SUPT20H: variants seen among roughly 807,000 people sequenced by gnomAD.
SUPT20H encodes the protein SPT20 homolog, SAGA complex component.
In SUPT20H, 82 loss-of-function variants were observed where a neutral mutation model predicts 122.8. The observed-to-expected ratio is 0.67, with a 90% CI of 0.56 to 0.80. The LOEUF (loss-of-function observed/expected upper bound fraction) is 0.80, where lower values mean the gene tolerates loss of function less well. Among genes scored for constraint, SUPT20H ranks in the 30% least tolerant of loss-of-function variants. The pLI, the probability that SUPT20H is intolerant of heterozygous loss-of-function variation, is 0.00. For synonymous variants in SUPT20H, 291 were observed against 313.0 expected (o/e 0.93, Z 0.74); for missense variants, 831 against 921.6 (o/e 0.90, Z 1.27).
At position 37,009,568 on chromosome 13, in the gene SUPT20H, A is replaced by C. The variant is rs2059222868; in HGVS notation, c.*104T>G. On this transcript the variant is annotated 3_prime_UTR_variant, in exon 26 of 26. Transcript: ENST00000350612. The stretch of plus-strand genomic sequence containing the variant: ...TCTGTATAAAGTTTGTACATCTAGC[A>C]ATGTAAAATACTGACACATTAAAAA... 2.3e-6 allele frequency: 3 copies of C among 1,285,492 alleles called. No individual in the cohort carries two copies. The highest frequency in any genetic ancestry group is 1.8e-5 in the Admixed American group (1 of 57,088). The allele number at this position is 1,285,492 out of a possible 1,614,324, so 79.6% of individuals were successfully genotyped here.
At chr13:37,047,386 C>G (rs1430746640) in intron 5 of SUPT20H, 149 bp downstream of exon 5, 1 of 838,160 alleles carries the variant, frequency 1.2e-6, no homozygotes, top group African/African-American at 1.8e-5. Context: ...TTAGCCAGAG[C>G]TCTGAGTCAG....
chr13:37,012,358 A>G (rs2059757534), intron 23 of SUPT20H, 61 bp from the exon 24 acceptor site: 1 of 1,357,606 alleles, frequency 7.4e-7, no homozygotes. Flanking sequence ...AGCTGGTGAA[A>G]AGAAATCAGT....
At chr13:37,036,349 G>A (rs916631720) in intron 9 of SUPT20H, among the ~76,000 whole-genome samples, 29 of 148,956 alleles carry the variant, frequency 1.9e-4, no homozygotes, top group African/African-American at 7.2e-4. Flanking sequence ...TCTTTGAGAC[G>A]GAGTCTTGCT....
In SUPT20H at chr13:37,045,350, C is replaced by A; in HGVS notation, c.189G>T (p.Leu63Phe). 1.2e-6 allele frequency: 2 copies of A among 1,613,482 alleles called. No homozygotes were observed. The highest frequency in any genetic ancestry group is 1.7e-6 in the Non-Finnish European group (2 of 1,179,668). The change falls in exon 6 of 26, where the codon TTG (leucine) becomes TTT (phenylalanine). Residue 63 changes from leucine (L) to phenylalanine (F), a missense_variant. Transcript: ENST00000350612. Reference protein sequence around the residue: ...EVKKLRRNVNLLEKLVMQETL... With the variant: ...EVKKLRRNVNFLEKLVMQETL... ...TCTCTTGCATAACAAGCTTCTCTAA[C>A]AAGTTCACATTTCTTCTTAATTTCT...
intron 5 of SUPT20H, among the ~76,000 whole-genome samples, chr13:37,045,902 G>A (rs546806709): frequency 6.6e-6 from 1 of 152,110 alleles, no homozygotes; most frequent in East Asian, 1.9e-4. Context: ...TTGGTAAGAC[G>A]AAGTAAGCAA....
chr13:37,042,751 C>T lies in SUPT20H; in HGVS notation c.396+1327G>A, dbSNP rs544880107. Reference sequence around the variant, plus strand: ...TAGGTGGTGGAAAGAATGGGATCTGCAAAAGAGGAAATGACTATAAATTCT... The same window carrying T: ...TAGGTGGTGGAAAGAATGGGATCTGTAAAAGAGGAAATGACTATAAATTCT... On this transcript the variant is annotated intron_variant, in intron 7 of 25. Transcript: ENST00000350612. 7.2e-5 allele frequency among the ~76,000 whole-genome samples: 11 copies of T among 152,166 alleles called. No individual in the cohort carries two copies. In the South Asian group the frequency reaches 2.3e-3, roughly 32 times the overall value.
intron 2 of SUPT20H, among the ~76,000 whole-genome samples, chr13:37,050,364 A>AC (rs1367976394): frequency 6.6e-6 from 1 of 150,960 alleles, no homozygotes; most frequent in Non-Finnish European, 1.5e-5. Context: ...AAAAAAAAAA[A>AC]AAAAAACTTA....
intron 1 of SUPT20H, among the ~76,000 whole-genome samples, chr13:37,057,588 G>A (rs1243312782): frequency 6.7e-6 from 1 of 149,360 alleles, no homozygotes; most frequent in Non-Finnish European, 1.5e-5. Flanking sequence ...AGTAATCCCA[G>A]CACTTTGGGA....
At chr13:37,032,495 A>G (rs1357641038) in intron 10 of SUPT20H, among the ~76,000 whole-genome samples, 1 of 152,228 alleles carries the variant, frequency 6.6e-6, no homozygotes, top group East Asian at 1.9e-4. Flanking sequence ...AGAAACCAAT[A>G]GGCAAATGCA....
intron 25 of SUPT20H, among the ~76,000 whole-genome samples, chr13:37,010,061 A>T (rs1185279614): frequency 6.6e-6 from 1 of 152,242 alleles, no homozygotes; most frequent in Admixed American, 6.5e-5. Context: ...TCTATATTGT[A>T]GTAACTCAGC....
In SUPT20H at chr13:37,021,468, A is replaced by G; in HGVS notation, c.1796T>C (p.Met599Thr). 6.2e-7 allele frequency: 1 copy of G among 1,611,204 alleles called. No homozygotes were observed. The highest frequency in any genetic ancestry group is 8.5e-7 in the Non-Finnish European group (1 of 1,178,598). ...CTGACCTGCTTGAGAAGCTGCCTGC[A>G]TTGCACTGGGCAGTGCATTTGGTAG... ...GLLPNALPSA[M>T]QAASQAGVPF... Residue 599 changes from methionine (M) to threonine (T), a missense_variant, in exon 21 of 26, where the codon ATG becomes ACG. Transcript: ENST00000350612.
intron 13 of SUPT20H, among the ~76,000 whole-genome samples, chr13:37,029,320 G>C (rs1306045326): frequency 6.6e-6 from 1 of 152,152 alleles, no homozygotes; most frequent in Non-Finnish European, 1.5e-5. Context: ...CCTGAGATCG[G>C]GAGTTCGAGA....
chr13:37,054,764 C>T (rs1594603494), intron 1 of SUPT20H, among the ~76,000 whole-genome samples: 1 of 152,186 alleles, frequency 6.6e-6, no homozygotes, highest in South Asian at 2.1e-4. Flanking sequence ...AAGTTCTGGC[C>T]AGGGCAATTA....
intron 3 of SUPT20H, 48 bp from the exon 4 acceptor site, chr13:37,047,984 A>C: frequency 6.8e-7 from 1 of 1,466,274 alleles, no homozygotes; most frequent in Non-Finnish European, 9.4e-7. Flanking sequence ...GCTTTTGACT[A>C]TGAACAACTG....
At chr13:37,015,574 T>A (rs752613856) in intron 23 of SUPT20H, among the ~76,000 whole-genome samples, 3 of 151,810 alleles carry the variant, frequency 2.0e-5, no homozygotes, top group African/African-American at 4.8e-5. Flanking sequence ...TCTCTGTATG[T>A]TGTTGATGGG....
chr13:37,017,527 C>A lies in SUPT20H; in HGVS notation c.1873-163G>T, dbSNP rs1218276260. Among the ~76,000 whole-genome samples, 2 of 152,064 alleles carry A rather than the reference C, an allele frequency of 1.3e-5. No individual in the cohort carries two copies. Among genetic ancestry groups the A allele is most frequent in the Non-Finnish European group, 2.9e-5 (2 of 68,008 alleles). ...AAGTTGGCTGCCCTTAAAAAAAAGACCTATTTAGAAACTGTTTTTAAGTCC... is the reference window on the plus strand; with the variant it reads ...AAGTTGGCTGCCCTTAAAAAAAAGAACTATTTAGAAACTGTTTTTAAGTCC... On this transcript the variant is annotated intron_variant, in intron 22 of 25. Coordinates refer to ENST00000350612, the MANE Select transcript of SUPT20H (RefSeq NM_001014286.3).
At chr13:37,025,468 T>C in intron 16 of SUPT20H, 31 bp from the exon 17 acceptor site, 1 of 1,484,760 alleles carries the variant, frequency 6.7e-7, no homozygotes, top group Middle Eastern at 1.7e-4. Flanking sequence ...AGGTAAAGAT[T>C]AGAAAACCTG....
intron 10 of SUPT20H, among the ~76,000 whole-genome samples, chr13:37,032,621 T>A (rs1198083935): frequency 6.6e-6 from 1 of 152,130 alleles, no homozygotes; most frequent in Non-Finnish European, 1.5e-5. Flanking sequence ...ACTGTGGACA[T>A]GTCTGAGAGA....
rs1327884106 is a variant in SUPT20H at position 37,010,669 on chromosome 13, A to T, written c.2099-14T>A. The T allele has an allele frequency of 6.2e-7, 1 of 1,609,166 alleles. No individual in the cohort carries two copies. The highest frequency in any genetic ancestry group is 1.3e-5 in the African/African-American group (1 of 74,832). Reference sequence around the variant, plus strand: ...GCTGAGACAACACTACAGAGAGGAGAAGGGGAAAGCAGGCCAGTCAAAAAG... The same window carrying T: ...GCTGAGACAACACTACAGAGAGGAGTAGGGGAAAGCAGGCCAGTCAAAAAG... On this transcript the variant is annotated splice_polypyrimidine_tract_variant and intron_variant, in intron 24 of 25. Transcript: ENST00000350612.
Sources: allele counts gnomAD v4.1 joint callset (sites outside exome capture counted in the v4.1 genomes callset), GRCh38; gene constraint gnomAD v4.1.1; transcripts MANE v1.5; gene names NCBI Gene and HGNC (gene_info 2026-07-23, HGNC 2026-07-21).